SLC4A4: variants seen among roughly 807,000 people sequenced by gnomAD.
The protein encoded by SLC4A4 is solute carrier family 4 member 4.
In SLC4A4, 27 loss-of-function variants were observed where a neutral mutation model predicts 111.5. The ratio of observed to expected loss-of-function variants is 0.24; its 90% CI spans 0.18 to 0.33. The LOEUF (loss-of-function observed/expected upper bound fraction) is 0.33. Ranked by LOEUF, SLC4A4 falls within the 10% of genes least tolerant of loss-of-function variation. The pLI, the probability that SLC4A4 is intolerant of heterozygous loss-of-function variation, is 1.00. For synonymous variants in SLC4A4, 443 were observed against 463.4 expected, an observed-to-expected ratio of 0.96 and a Z score of 0.57; for missense variants, 909 against 1,315.5, an observed-to-expected ratio of 0.69 and a Z score of 4.78.
At chr4:71,429,103 G>A (rs1185220573) in intron 7 of SLC4A4, among the ~76,000 whole-genome samples, 1 of 152,056 alleles carries the variant, frequency 6.6e-6, no homozygotes, top group East Asian at 1.9e-4. Context: ...TAATATCCTG[G>A]ATCTACAGGT....
chr4:71,405,555 G>T (rs1302384253), intron 7 of SLC4A4, among the ~76,000 whole-genome samples: 1 of 151,898 alleles, frequency 6.6e-6, no homozygotes, highest in Non-Finnish European at 1.5e-5. Context: ...TAATTTTTCT[G>T]CATTCTTTCA....
At chr4:71,461,251 C>A (rs79570985) in intron 12 of SLC4A4, among the ~76,000 whole-genome samples, 21 of 152,114 alleles carry the variant, frequency 1.4e-4, no homozygotes, top group African/African-American at 5.1e-4. Context: ...TCATTTGATG[C>A]CACCTTTATC....
chr4:71,556,543 A>G (rs1019694795), intron 21 of SLC4A4, among the ~76,000 whole-genome samples: 20 of 151,982 alleles, frequency 1.3e-4, no homozygotes, highest in Admixed American at 1.2e-3. Flanking sequence ...TCAACCACAT[A>G]ATAATGATGG....
intron 17 of SLC4A4, among the ~76,000 whole-genome samples, chr4:71,532,413 T>C (rs1734015972): frequency 6.6e-6 from 1 of 152,156 alleles, no homozygotes; most frequent in African/African-American, 2.4e-5. Context: ...CTCTGGCTTA[T>C]AGTTTTAGAA....
intron 7 of SLC4A4, among the ~76,000 whole-genome samples, chr4:71,425,502 A>T (rs922457732): frequency 6.6e-6 from 1 of 152,134 alleles, no homozygotes; most frequent in Non-Finnish European, 1.5e-5. Context: ...GTCTCAATCA[A>T]TTTATAAGTT....
intron 3 of SLC4A4, among the ~76,000 whole-genome samples, chr4:71,321,355 A>G (rs1727105823): frequency 6.6e-6 from 1 of 151,438 alleles, no homozygotes; most frequent in Non-Finnish European, 1.5e-5. Flanking sequence ...GAGGAAAAGC[A>G]TCAACATTTA....
At chr4:71,236,406 C>G in intron 1 of SLC4A4, 170 bp from the exon 2 acceptor site, 1 of 772,354 alleles carries the variant, frequency 1.3e-6, no homozygotes, top group East Asian at 3.0e-5. Context: ...TTCTCGAGCA[C>G]CAGATGAGAG....
chr4:71,245,085 G>T (rs1720552654), intron 2 of SLC4A4, among the ~76,000 whole-genome samples: 1 of 152,132 alleles, frequency 6.6e-6, no homozygotes, highest in Admixed American at 6.6e-5. Flanking sequence ...AATCAGGGAA[G>T]CATTCCAGGC....
chr4:71,094,225 T>C (rs1742475158), intron 2 of SLC4A4, among the ~76,000 whole-genome samples: 1 of 152,048 alleles, frequency 6.6e-6, no homozygotes, highest in African/African-American at 2.4e-5. Flanking sequence ...CTTTTGACAA[T>C]ATCAAGTTTT....
chr4:71,157,108 C>G (rs1744499080), intron 2 of SLC4A4, among the ~76,000 whole-genome samples: 1 of 152,130 alleles, frequency 6.6e-6, no homozygotes, highest in Non-Finnish European at 1.5e-5. Flanking sequence ...ATACACCACT[C>G]CAACCTGCAA....
At chr4:71,437,488 C>T in intron 7 of SLC4A4, 1 of 369,174 alleles carries the variant, frequency 2.7e-6, no homozygotes, top group Non-Finnish European at 5.4e-6. Flanking sequence ...TGCTGGAACA[C>T]CTGCTGTAAT....
intron 18 of SLC4A4, among the ~76,000 whole-genome samples, chr4:71,535,367 A>G (rs1468919395): frequency 1.3e-5 from 2 of 152,182 alleles, no homozygotes; most frequent in Non-Finnish European, 2.9e-5. Flanking sequence ...ATTCTGATAA[A>G]CTATCCAAGT....
intron 16 of SLC4A4, among the ~76,000 whole-genome samples, chr4:71,504,670 G>C (rs1421443632): frequency 1.4e-5 from 2 of 144,288 alleles, no homozygotes; most frequent in African/African-American, 5.0e-5. Context: ...TCATGGGGGG[G>C]GGGGTGTTAT....
At chr4:71,337,545 A>G (rs1578865819) in intron 3 of SLC4A4, among the ~76,000 whole-genome samples, 1 of 152,328 alleles carries the variant, frequency 6.6e-6, no homozygotes, top group Non-Finnish European at 1.5e-5. Context: ...AAACAATGCT[A>G]GAATGATCAC....
intron 6 of SLC4A4, among the ~76,000 whole-genome samples, chr4:71,379,275 T>A (rs1350320301): frequency 6.6e-6 from 1 of 152,206 alleles, no homozygotes; most frequent in African/African-American, 2.4e-5. Flanking sequence ...GCCTGTGGAA[T>A]GCTTTTGAAC....
chr4:71,320,154 G>A (rs1463334538), intron 3 of SLC4A4, among the ~76,000 whole-genome samples: 1 of 151,980 alleles, frequency 6.6e-6, no homozygotes, highest in Non-Finnish European at 1.5e-5. Context: ...CCACTTGCAA[G>A]CAACAGCACT....
Position 71,380,962 on chromosome 4 carries a change from CA to C in SLC4A4, c.731-16614del, listed in dbSNP as rs1718081594. On this transcript the variant is annotated intron_variant, in intron 6 of 25. Transcript: ENST00000264485. ...TTCTCAATGAAGGACAACAAGTCGG[CA>C]TTCTGAAGTGTAATTTTCTGCAATG... is the stretch of plus-strand genomic sequence containing the variant. Among the ~76,000 whole-genome samples, 7 of 152,254 alleles carry C rather than the reference CA, an allele frequency of 4.6e-5. No homozygotes were observed. In the South Asian group the frequency reaches 1.5e-3, roughly 32 times the overall value.
intron 1 of SLC4A4, among the ~76,000 whole-genome samples, chr4:71,066,472 T>G (rs1741519798): frequency 6.6e-6 from 1 of 152,140 alleles, no homozygotes; most frequent in Non-Finnish European, 1.5e-5. Context: ...TTCTAAAGGA[T>G]TTAAAGGTGT....
chr4:71,299,435 G>A (rs1725048952), intron 3 of SLC4A4, among the ~76,000 whole-genome samples: 1 of 151,268 alleles, frequency 6.6e-6, no homozygotes, highest in Non-Finnish European at 1.5e-5. Flanking sequence ...AGCTTCCCCA[G>A]GCTGTTGGGA....
Sources: allele counts gnomAD v4.1 joint callset (sites outside exome capture counted in the v4.1 genomes callset), GRCh38; gene constraint gnomAD v4.1.1; transcripts MANE v1.5; gene names NCBI Gene and HGNC (gene_info 2026-07-23, HGNC 2026-07-21).